ZNF892: variants seen among roughly 807,000 people sequenced by gnomAD.
The protein encoded by ZNF892 is zinc finger protein 570-like.
At chr2:95,214,853 G>T in the ZNF892 span, 1 of 502,678 alleles carries the variant, frequency 2.0e-6, no homozygotes, top group East Asian at 3.1e-5. Flanking sequence ...TTCATACTGG[G>T]GAGAAACCCT....
chr2:95,216,504 G>A, the ZNF892 span, among the ~76,000 whole-genome samples: 1 of 152,066 alleles, frequency 6.6e-6, no homozygotes, highest in Admixed American at 6.6e-5. Flanking sequence ...ATAGCTTATA[G>A]TAAAGTTTAG....
chr2:95,252,100 T>G, the ZNF892 span, among the ~76,000 whole-genome samples: 1 of 152,204 alleles, frequency 6.6e-6, no homozygotes, highest in Non-Finnish European at 1.5e-5. Flanking sequence ...CTTTTTTTAT[T>G]ATACTTTAAG....
At chr2:95,258,329 G>A in the ZNF892 span, among the ~76,000 whole-genome samples, 1 of 152,194 alleles carries the variant, frequency 6.6e-6, no homozygotes, top group Non-Finnish European at 1.5e-5. Flanking sequence ...TGCTACTGTT[G>A]TCCAGTCCCC....
chr2:95,219,165 AT>A, the ZNF892 span, among the ~76,000 whole-genome samples: 325 of 143,288 alleles, frequency 2.3e-3, no homozygotes, highest in Non-Finnish European at 2.4e-3. Context: ...TGCCCGGCTA[AT>A]TTTTTTTTTT....
At chr2:95,220,348 CT>C in the ZNF892 span, among the ~76,000 whole-genome samples, 454 of 128,396 alleles carry the variant, frequency 3.5e-3, no homozygotes, top group Non-Finnish European at 4.4e-3. Context: ...TTTCTTGGGG[CT>C]TTTTTTTTTT....
the ZNF892 span, among the ~76,000 whole-genome samples, chr2:95,247,324 G>C: frequency 2.0e-5 from 3 of 152,164 alleles, no homozygotes; most frequent in Non-Finnish European, 4.4e-5. Context: ...ATTGAAACTG[G>C]ACCCCTACCT....
the ZNF892 span, among the ~76,000 whole-genome samples, chr2:95,256,318 C>G: frequency 2.0e-5 from 3 of 152,130 alleles, no homozygotes; most frequent in African/African-American, 7.2e-5. Context: ...TTTTATTTCT[C>G]CTTCACTTAT....
At chr2:95,219,316 G>T in the ZNF892 span, among the ~76,000 whole-genome samples, 1 of 151,876 alleles carries the variant, frequency 6.6e-6, no homozygotes, top group African/African-American at 2.4e-5. Flanking sequence ...AGTATTTTCT[G>T]TTTTTATATC....
the ZNF892 span, among the ~76,000 whole-genome samples, chr2:95,255,635 G>T: frequency 6.6e-6 from 1 of 152,162 alleles, no homozygotes; most frequent in Non-Finnish European, 1.5e-5. Flanking sequence ...GGATATCCTT[G>T]TTAACTTTCT....
chr2:95,259,202 T>C, the ZNF892 span: 1 of 152,534 alleles, frequency 6.6e-6, no homozygotes, highest in Non-Finnish European at 1.5e-5. Flanking sequence ...AGTGCCCTCG[T>C]TGCATCTGCT....
chr2:95,214,070 AT>A, the ZNF892 span, among the ~76,000 whole-genome samples: 2 of 151,912 alleles, frequency 1.3e-5, no homozygotes, highest in Non-Finnish European at 2.9e-5. Flanking sequence ...ATTTTTTGTT[AT>A]TTCCTATCCT....
At chr2:95,252,143 G>C in the ZNF892 span, among the ~76,000 whole-genome samples, 1 of 152,008 alleles carries the variant, frequency 6.6e-6, no homozygotes, top group African/African-American at 2.4e-5. Flanking sequence ...GTGCAGGTTT[G>C]TTACATATGT....
At chr2:95,228,961 A>G in the ZNF892 span, among the ~76,000 whole-genome samples, 1 of 152,106 alleles carries the variant, frequency 6.6e-6, no homozygotes, top group Non-Finnish European at 1.5e-5. Context: ...GAATGCAACC[A>G]TTTGTGTATC....
the ZNF892 span, among the ~76,000 whole-genome samples, chr2:95,230,030 T>C: frequency 6.6e-6 from 1 of 152,168 alleles, no homozygotes; most frequent in African/African-American, 2.4e-5. Context: ...TATATATATA[T>C]ACCATGGAAT....
chr2:95,211,820 A>C, the ZNF892 span: 1 of 397,504 alleles, frequency 2.5e-6, no homozygotes, highest in Non-Finnish European at 4.4e-6. Context: ...AATGATTCTT[A>C]ATTCTAGTAG....
the ZNF892 span, among the ~76,000 whole-genome samples, chr2:95,207,186 G>T: frequency 6.6e-6 from 1 of 152,232 alleles, no homozygotes; most frequent in African/African-American, 2.4e-5. Context: ...GGACACCGCC[G>T]GGCGCCTCCC....
chr2:95,210,705 C>T, the ZNF892 span, among the ~76,000 whole-genome samples: 1 of 152,174 alleles, frequency 6.6e-6, no homozygotes, highest in Non-Finnish European at 1.5e-5. Flanking sequence ...AGAGTTTCTG[C>T]TCTGTGCCAA....
chr2:95,234,873 C>T, the ZNF892 span, among the ~76,000 whole-genome samples: 1 of 152,220 alleles, frequency 6.6e-6, no homozygotes, highest in Non-Finnish European at 1.5e-5. Context: ...GCTCACAGGA[C>T]TCAGGGAAAC....
chr2:95,239,763 G>T, the ZNF892 span, among the ~76,000 whole-genome samples: 1 of 152,114 alleles, frequency 6.6e-6, no homozygotes, highest in Non-Finnish European at 1.5e-5. Flanking sequence ...TAGTAGCTGG[G>T]ATTACAGGCA....
Sources: allele counts gnomAD v4.1 joint callset (sites outside exome capture counted in the v4.1 genomes callset), GRCh38; gene constraint gnomAD v4.1.1; transcripts MANE v1.5; gene names NCBI Gene and HGNC (gene_info 2026-07-23, HGNC 2026-07-21).